The following EML6 variants were observed in gnomAD, a reference collection of about 807,000 sequenced individuals.
EML6 encodes the protein EMAP like 6.
EML6 carries 154 observed loss-of-function variants against 240.1 expected under a neutral mutation model. That is an observed-to-expected ratio of 0.64 (90% CI 0.56 to 0.73). The LOEUF (loss-of-function observed/expected upper bound fraction) is 0.73. Among genes scored for constraint, EML6 ranks in the 30% least tolerant of loss-of-function variants. EML6 has a pLI of 0.00. For synonymous variants in EML6, 1,148 were observed against 899.0 expected, an observed-to-expected ratio of 1.28 and a Z score of -4.95; for missense variants, 2,964 against 2,474.6, an observed-to-expected ratio of 1.20 and a Z score of -4.20.
At chr2:54,904,537 G>A (rs1311499220) in intron 24 of EML6, among the ~76,000 whole-genome samples, 3 of 152,146 alleles carry the variant, frequency 2.0e-5, no homozygotes, top group Admixed American at 6.5e-5. Flanking sequence ...ACCAGATAGC[G>A]CTATCAAGGA....
intron 17 of EML6, chr2:54,880,801 A>G (rs1398025981): frequency 1.3e-5 from 2 of 152,164 alleles, no homozygotes; most frequent in African/African-American, 4.8e-5. Context: ...ATTTCTGATA[A>G]TATACCATCT....
chr2:54,941,213 C>T (rs1307135231), intron 28 of EML6, among the ~76,000 whole-genome samples: 1 of 152,172 alleles, frequency 6.6e-6, no homozygotes, highest in African/African-American at 2.4e-5. Context: ...AAATTGGTAT[C>T]ATTAGCATAT....
intron 2 of EML6, among the ~76,000 whole-genome samples, chr2:54,775,572 A>G (rs1668566521): frequency 6.6e-6 from 1 of 152,142 alleles, no homozygotes; most frequent in Admixed American, 6.5e-5. Context: ...TATTTTATTC[A>G]TAGCACTTAT....
intron 2 of EML6, among the ~76,000 whole-genome samples, chr2:54,797,405 A>G (rs990969669): frequency 2.0e-5 from 3 of 152,078 alleles, no homozygotes; most frequent in African/African-American, 7.2e-5. Flanking sequence ...TAGTAATACG[A>G]ATCCTGTCTT....
At chr2:54,796,341 C>A (rs1572909935) in intron 2 of EML6, among the ~76,000 whole-genome samples, 1 of 152,088 alleles carries the variant, frequency 6.6e-6, no homozygotes, top group Non-Finnish European at 1.5e-5. Context: ...ACAATAGGAG[C>A]CTAAAGAAGC....
At chr2:54,783,340 G>A (rs1668937833) in intron 2 of EML6, among the ~76,000 whole-genome samples, 1 of 152,138 alleles carries the variant, frequency 6.6e-6, no homozygotes. Context: ...TCAAGCTTAA[G>A]TCTAGATTTT....
At chr2:54,908,978 A>T (rs953433928) in intron 24 of EML6, among the ~76,000 whole-genome samples, 3 of 152,284 alleles carry the variant, frequency 2.0e-5, no homozygotes, top group East Asian at 1.9e-4. Context: ...GTACTTGTCT[A>T]TGTGTTTAGA....
At chr2:54,739,307 A>G (rs939754584) in intron 2 of EML6, among the ~76,000 whole-genome samples, 24 of 152,222 alleles carry the variant, frequency 1.6e-4, no homozygotes, top group African/African-American at 5.3e-4. Flanking sequence ...ATGTAATGTG[A>G]TATGAAAATT....
At chr2:54,766,887 A>C (rs775698115) in intron 2 of EML6, among the ~76,000 whole-genome samples, 36 of 151,506 alleles carry the variant, frequency 2.4e-4, no homozygotes, top group Non-Finnish European at 4.6e-4. Context: ...ATTCTATTGT[A>C]CAGTAAATAA....
intron 2 of EML6, among the ~76,000 whole-genome samples, chr2:54,811,547 T>A (rs1201027923): frequency 6.6e-6 from 1 of 152,156 alleles, no homozygotes. Context: ...CATGTCTCTT[T>A]CCTCTGAAAG....
At chr2:54,866,968 C>T (rs956563310) in intron 14 of EML6, 84 bp downstream of exon 14, 1 of 730,476 alleles carries the variant, frequency 1.4e-6, no homozygotes, top group Non-Finnish European at 2.4e-6. Context: ...CTTAAGGGAT[C>T]CCCTCCCCTC....
intron 26 of EML6, among the ~76,000 whole-genome samples, chr2:54,926,565 T>A (rs1360510350): frequency 6.6e-6 from 1 of 152,258 alleles, no homozygotes; most frequent in African/African-American, 2.4e-5. Flanking sequence ...GGACGTTTCC[T>A]CCGTAGGCCC....
rs542773221 is a variant in EML6, at chr2:54,904,795, C to T, written c.3409+1293C>T. ...AGAAGAAGTGAGCCTGGAGTTGGAG[C>T]AATCAAATTAATCAGGAGAACGATG... On this transcript the variant is annotated intron_variant, in intron 24 of 41. Coordinates refer to ENST00000356458, the MANE Select transcript of EML6 (RefSeq NM_001039753.4). 5.5e-4 allele frequency among the ~76,000 whole-genome samples: 83 copies of T among 152,220 alleles called. 1 individual carries two copies. Among genetic ancestry groups the T allele is most frequent in the African/African-American group, 1.9e-3 (79 of 41,534 alleles).
In EML6 at chr2:54,877,467, A is replaced by C. The variant is rs538189440; in HGVS notation, c.2345-2080A>C. Reference sequence around the variant, plus strand: ...AAGATTATTAAAAGTCTTAAAAAAAAGCTTATGATATTAAAAAAGGAGAGA... The same window carrying C: ...AAGATTATTAAAAGTCTTAAAAAAACGCTTATGATATTAAAAAAGGAGAGA... On this transcript the variant is annotated intron_variant, in intron 16 of 41. Transcript: ENST00000356458. Among the ~76,000 whole-genome samples the C allele has an allele frequency of 2.0e-3, 292 of 148,690 alleles. 1 individual carries two copies. The highest frequency in any genetic ancestry group is 6.8e-3 in the Middle Eastern group (2 of 292).
Position 54,971,723 on chromosome 2 carries a change from C to CCTAT in EML6, c.*1631_*1634dup, listed in dbSNP as rs547794516. ...TGATGCAGAGTGATAACCATGTCTG[C>CCTAT]CTATCTTGTACTAGACTCTTCATGC... On this transcript the variant is annotated 3_prime_UTR_variant, in exon 42 of 42. Coordinates refer to ENST00000356458, the MANE Select transcript of EML6 (RefSeq NM_001039753.4). The CCTAT allele has an allele frequency of 1.6e-3, 248 of 152,288 alleles. No homozygotes were observed. The highest frequency in any genetic ancestry group is 4.1e-3 in the South Asian group (20 of 4,830). 9.4% of individuals were successfully genotyped at this position (152,288 alleles called of 1,614,324 possible).
chr2:54,931,065 C>G (rs1379782646), intron 28 of EML6, among the ~76,000 whole-genome samples: 1 of 147,610 alleles, frequency 6.8e-6, no homozygotes, highest in Non-Finnish European at 1.5e-5. Context: ...TCACGCCATT[C>G]TCCTGCCTCA....
In EML6 at chr2:54,813,400, CT is replaced by C; in HGVS notation, c.357+16del. On this transcript the variant is annotated intron_variant, in intron 3 of 41. Coordinates refer to ENST00000356458, the MANE Select transcript of EML6 (RefSeq NM_001039753.4). The stretch of plus-strand genomic sequence containing the variant: ...TTGACTCAGATGGACAGGTGTGTAT[CT>C]TTTTTTAGTTGTTTTATTTAATGAC... 4 of 1,548,344 alleles carry C rather than the reference CT, an allele frequency of 2.6e-6. No homozygotes were observed. Among genetic ancestry groups the C allele is most frequent in the African/African-American group, 1.4e-5 (1 of 72,978 alleles).
chr2:54,819,486 A>T (rs1004271786), intron 4 of EML6, among the ~76,000 whole-genome samples: 1 of 152,196 alleles, frequency 6.6e-6, no homozygotes, highest in African/African-American at 2.4e-5. Context: ...TTGTTAAAGA[A>T]TGACAAATAG....
At position 54,883,804 on chromosome 2, in the gene EML6, G is replaced by A. The variant is rs1456073551; in HGVS notation, c.2438+4164G>A. ...CAAGTGTGTATAAGAAAAATGACAG[G>A]TATGCAGTGTGTTCTTTATTTATAT... On this transcript the variant is annotated intron_variant, in intron 17 of 41. Transcript: ENST00000356458. Among the ~76,000 whole-genome samples the A allele has an allele frequency of 3.9e-5, 6 of 152,154 alleles. No individual in the cohort carries two copies. The South Asian group carries it at 1.2e-3, about 32-fold the overall frequency.
Sources: gnomAD v4.1 joint callset for allele counts (sites outside exome capture counted in the v4.1 genomes callset) on GRCh38, gnomAD v4.1.1 for gene constraint, MANE v1.5 for transcripts, NCBI Gene and HGNC (gene_info 2026-07-23, HGNC 2026-07-21) for gene names.